Variants in GLCCI1 observed in about 807,000 individuals in gnomAD.
The protein encoded by GLCCI1 is glucocorticoid-induced transcript 1 protein.
GLCCI1 carries 24 observed loss-of-function variants against 52.2 expected under a neutral mutation model. That is an observed-to-expected ratio of 0.46 (90% CI 0.33 to 0.65). GLCCI1 has a LOEUF of 0.65. GLCCI1 is among the 30% of genes least tolerant of loss of function. The pLI is 0.02. For missense variants in GLCCI1, 704 were observed against 701.5 expected (o/e 1.00, Z -0.04); for synonymous variants, 310 against 276.5 (o/e 1.12, Z -1.20).
chr7:7,988,388 T>C (rs1398205612), intron 1 of GLCCI1, among the ~76,000 whole-genome samples: 1 of 152,230 alleles, frequency 6.6e-6, no homozygotes, highest in East Asian at 1.9e-4. Context: ...TGACAAATCT[T>C]AAGAACTTTC....
chr7:8,060,343 T>A, intron 5 of GLCCI1, 95 bp downstream of exon 5: 1 of 932,010 alleles, frequency 1.1e-6, no homozygotes, highest in Non-Finnish European at 1.6e-6. Flanking sequence ...TAAGATATAA[T>A]TCACATACCA....
intron 6 of GLCCI1, among the ~76,000 whole-genome samples, chr7:8,078,254 T>C (rs1366482567): frequency 2.7e-5 from 4 of 148,728 alleles, no homozygotes; most frequent in African/African-American, 7.4e-5. Context: ...TAAGAGTCCT[T>C]GTAAGCTTTG....
intron 6 of GLCCI1, among the ~76,000 whole-genome samples, chr7:8,073,819 C>T (rs1782818095): frequency 6.6e-6 from 1 of 152,056 alleles, no homozygotes; most frequent in Non-Finnish European, 1.5e-5. Flanking sequence ...AATTAAAGCC[C>T]CATGACATCA....
rs116610588 is a variant in GLCCI1 at position 8,045,397 on chromosome 7, A to G, written c.697-10036A>G. On this transcript the variant is annotated intron_variant, in intron 3 of 7. Coordinates refer to ENST00000223145, the MANE Select transcript of GLCCI1 (RefSeq NM_138426.4). Reference sequence around the variant, plus strand: ...CATGCAGACGTGGGGAGAGATTGCAAACTCCACACAGTGGCCCCAGCTGGA... The same window carrying G: ...CATGCAGACGTGGGGAGAGATTGCAGACTCCACACAGTGGCCCCAGCTGGA... Among the ~76,000 whole-genome samples, 1,124 of 152,284 alleles carry G rather than the reference A, an allele frequency of 7.4e-3. 19 individuals are homozygous for G. The highest frequency in any genetic ancestry group is 0.025 in the African/African-American group (1,059 of 41,544).
chr7:7,987,285 C>G (rs1301790216), intron 1 of GLCCI1, among the ~76,000 whole-genome samples: 1 of 152,144 alleles, frequency 6.6e-6, no homozygotes, highest in African/African-American at 2.4e-5. Context: ...AAAACCCTAG[C>G]CGTTCTTTGC....
intron 3 of GLCCI1, among the ~76,000 whole-genome samples, chr7:8,036,298 A>G (rs1781866931): frequency 6.6e-6 from 1 of 152,214 alleles, no homozygotes; most frequent in South Asian, 2.1e-4. Context: ...CATGTCTGAA[A>G]CCAAGTAACT....
At chr7:8,037,696 GA>G (rs1452192589) in intron 3 of GLCCI1, among the ~76,000 whole-genome samples, 3 of 152,050 alleles carry the variant, frequency 2.0e-5, no homozygotes, top group Non-Finnish European at 4.4e-5. Flanking sequence ...TAAAGGGGTG[GA>G]AAAAGACATT....
intron 3 of GLCCI1, among the ~76,000 whole-genome samples, chr7:8,046,434 C>G (rs781056719): frequency 5.3e-5 from 8 of 152,128 alleles, no homozygotes; most frequent in Non-Finnish European, 8.8e-5. Flanking sequence ...AAAAACTGAC[C>G]AGCATTTAAC....
At chr7:8,008,464 T>A (rs1781200459) in intron 2 of GLCCI1, among the ~76,000 whole-genome samples, 1 of 152,076 alleles carries the variant, frequency 6.6e-6, no homozygotes, top group Non-Finnish European at 1.5e-5. Context: ...GTCCAGCTAA[T>A]TTTTGTATTT....
intron 2 of GLCCI1, among the ~76,000 whole-genome samples, chr7:8,016,197 C>T (rs773041567): frequency 2.6e-5 from 4 of 152,180 alleles, no homozygotes; most frequent in Admixed American, 6.5e-5. Flanking sequence ...CGCCCGGGCG[C>T]GGTGGCTTAC....
intron 1 of GLCCI1, chr7:7,981,118 G>C: frequency 2.1e-6 from 1 of 465,388 alleles, no homozygotes; most frequent in Admixed American, 2.8e-5. Flanking sequence ...GGAAAAATCT[G>C]TGTATGCAAA....
chr7:8,018,202 T>A (rs1781415188), intron 2 of GLCCI1, among the ~76,000 whole-genome samples: 1 of 152,166 alleles, frequency 6.6e-6, no homozygotes, highest in Non-Finnish European at 1.5e-5. Flanking sequence ...ACAATAAATT[T>A]TAAGACCAGT....
intron 2 of GLCCI1, among the ~76,000 whole-genome samples, chr7:8,021,301 T>C (rs537480782): frequency 3.3e-4 from 50 of 152,376 alleles, no homozygotes; most frequent in African/African-American, 1.1e-3. Flanking sequence ...TTTTTAAAGC[T>C]GTATATAGTT....
chr7:8,046,517 T>G (rs531581340), intron 3 of GLCCI1, among the ~76,000 whole-genome samples: 33 of 152,338 alleles, frequency 2.2e-4, no homozygotes, highest in Middle Eastern at 3.4e-3. Context: ...TCTGGAGGCT[T>G]CTTCTGCATG....
chr7:8,081,656 T>C (rs1782996457), intron 6 of GLCCI1, among the ~76,000 whole-genome samples: 2 of 152,216 alleles, frequency 1.3e-5, no homozygotes, highest in Admixed American at 1.3e-4. Context: ...TGTAGTTTAA[T>C]GAATATTGTT....
intron 6 of GLCCI1, among the ~76,000 whole-genome samples, chr7:8,074,067 A>G (rs1433482099): frequency 1.3e-5 from 2 of 152,224 alleles, no homozygotes; most frequent in Admixed American, 6.5e-5. Flanking sequence ...ATGTATTTCA[A>G]CTGAGGTTAT....
chr7:7,997,692 C>A (rs921681840), intron 1 of GLCCI1, among the ~76,000 whole-genome samples: 6 of 152,050 alleles, frequency 3.9e-5, no homozygotes, highest in African/African-American at 1.4e-4. Context: ...GTTTGGGAGG[C>A]CGAGGCAGGC....
intron 6 of GLCCI1, among the ~76,000 whole-genome samples, chr7:8,083,570 G>C (rs765262662): frequency 6.6e-6 from 1 of 152,120 alleles, no homozygotes; most frequent in Non-Finnish European, 1.5e-5. Context: ...TCTCAAATCT[G>C]AATGGTATAT....
intron 3 of GLCCI1, among the ~76,000 whole-genome samples, chr7:8,054,430 A>G (rs1369153725): frequency 6.6e-6 from 1 of 152,172 alleles, no homozygotes; most frequent in Non-Finnish European, 1.5e-5. Context: ...CATAAAAGAA[A>G]GGATATAAAT....
Sources: gnomAD v4.1 joint callset for allele counts (sites outside exome capture counted in the v4.1 genomes callset) on GRCh38, gnomAD v4.1.1 for gene constraint, MANE v1.5 for transcripts, NCBI Gene and HGNC (gene_info 2026-07-23, HGNC 2026-07-21) for gene names.